Variants in CFAP46 observed in about 807,000 individuals in gnomAD.
The protein encoded by CFAP46 is cilia- and flagella-associated protein 46.
A neutral mutation model predicts 325.7 loss-of-function variants in CFAP46; 245 were observed. The observed-to-expected ratio is 0.75, with a 90% CI of 0.68 to 0.84. CFAP46 has a LOEUF of 0.84. CFAP46 is among the 40% of genes least tolerant of loss of function. CFAP46 has a pLI of 0.00. For missense variants in CFAP46, 3,346 were observed against 3,543.0 expected, an observed-to-expected ratio of 0.94 and a Z score of 1.41; for synonymous variants, 1,523 against 1,495.9, an observed-to-expected ratio of 1.02 and a Z score of -0.42.
At chr10:132,926,458 G>T in intron 10 of CFAP46, 110 bp downstream of exon 10, 1 of 786,152 alleles carries the variant, frequency 1.3e-6, no homozygotes, top group Non-Finnish European at 2.1e-6. Flanking sequence ...TAGCAGTGGG[G>T]TCCAGGCCAT....
Position 132,812,916 on chromosome 10 carries a change from G to A in CFAP46, c.7389-19C>T, listed in dbSNP as rs376054450. The A allele has an allele frequency of 3.3e-4, 520 of 1,590,112 alleles. 3 individuals are homozygous for A. The highest frequency in any genetic ancestry group is 7.7e-4 in the Admixed American group (46 of 59,760). On this transcript the variant is annotated intron_variant, in intron 54 of 57. Coordinates refer to ENST00000368586, the MANE Select transcript of CFAP46 (RefSeq NM_001200049.3). ...GGCCTGGCTGCAGAGAGAGGAGAGC[G>A]CTGGTCAACAGTGCCCATGCACCTG...
In CFAP46 at chr10:132,899,009, CA is replaced by C. The variant is rs1849356336; in HGVS notation, c.3168del (p.Ala1057ProfsTer2). The C allele has an allele frequency of 1.9e-6, 3 of 1,550,616 alleles. No homozygotes were observed. Among genetic ancestry groups the C allele is most frequent in the Non-Finnish European group, 2.6e-6 (3 of 1,146,994 alleles). On this transcript the variant is annotated frameshift_variant, in exon 24 of 58. Transcript: ENST00000368586. LOFTEE classifies it high-confidence loss of function. ...SSAVYRKKAK[G>X]ALKRLIGIIN... Reference sequence around the variant, plus strand: ...ATGATGCCGATGAGCCTCTTCAGGGCACCCTTGGCCTTCTTCCTGTAGACGG... The same window carrying C: ...ATGATGCCGATGAGCCTCTTCAGGGCCCCTTGGCCTTCTTCCTGTAGACGG...
intron 15 of CFAP46, 57 bp from the exon 16 acceptor site, chr10:132,918,577 C>T (rs1231240644): frequency 6.8e-6 from 10 of 1,476,600 alleles, no homozygotes; most frequent in African/African-American, 2.8e-5. Flanking sequence ...TAAATAAAAA[C>T]ACAAGAATTC....
chr10:132,870,308 G>A (rs148972652), intron 32 of CFAP46, among the ~76,000 whole-genome samples: 252 of 152,230 alleles, frequency 1.7e-3, no homozygotes, highest in African/African-American at 5.1e-3. Context: ...AATTAGGCCA[G>A]TTAATAACCC....
Position 132,832,385 on chromosome 10 carries a change from C to T in CFAP46, c.7117+973G>A. 7.2e-6 allele frequency among the ~76,000 whole-genome samples: 1 copy of T among 138,850 alleles called. No individual in the cohort carries two copies. The highest frequency in any genetic ancestry group is 2.9e-5 in the African/African-American group (1 of 34,116). The allele number at this position is 138,850 out of a possible 152,430, so 91.1% of individuals were successfully genotyped here. On this transcript the variant is annotated intron_variant, in intron 50 of 57. Transcript: ENST00000368586. The surrounding 1 kb of genome is among the most constrained non-coding windows in gnomAD (Gnocchi z 4.1). The stretch of plus-strand genomic sequence containing the variant: ...AACTTGCGGAGACCCCTGGGCTCTT[C>T]CTGCCCCCCCCCCCCAATGCTGTGG...
At position 132,835,322 on chromosome 10, in the gene CFAP46, C is replaced by G. The variant is rs780264128; in HGVS notation, c.6726G>C (p.Met2242Ile). The G allele has an allele frequency of 6.2e-7, 1 of 1,613,408 alleles. No individual in the cohort carries two copies. The highest frequency in any genetic ancestry group is 1.1e-5 in the South Asian group (1 of 91,084). ...GCCTCACCGAGCCTATGTTCAGGGC[C>G]ATGTCCTCACTGTACACCTGGGCCT... The part of the protein sequence containing the change: ...QTQAQVYSED[M>I]ALNIGSEPEG... The change falls in exon 47 of 58, where the codon ATG (methionine) becomes ATC (isoleucine). Residue 2242 changes from methionine (M) to isoleucine (I), a missense_variant. Transcript: ENST00000368586.
At chr10:132,904,200 T>C (rs985773039) in intron 22 of CFAP46, among the ~76,000 whole-genome samples, 5 of 152,264 alleles carry the variant, frequency 3.3e-5, no homozygotes, top group African/African-American at 1.2e-4. Flanking sequence ...GTCTGCTGGA[T>C]GTGGGCATGG....
At chr10:132,873,738 G>A (rs960264305) in intron 31 of CFAP46, among the ~76,000 whole-genome samples, 3 of 152,160 alleles carry the variant, frequency 2.0e-5, no homozygotes, top group Admixed American at 2.0e-4. Flanking sequence ...GAAAGCACAG[G>A]GTCCTTTGAG....
chr10:132,891,101 G>A (rs955847286), intron 25 of CFAP46, among the ~76,000 whole-genome samples: 7 of 152,206 alleles, frequency 4.6e-5, no homozygotes, highest in Admixed American at 2.6e-4. Context: ...TTTTGTGGAA[G>A]TAGAAAAATG....
chr10:132,941,024 C>T lies in CFAP46; in HGVS notation c.343G>A (p.Ala115Thr). The T allele has an allele frequency of 6.2e-7, 1 of 1,614,192 alleles. No individual in the cohort carries two copies. Among genetic ancestry groups the T allele is most frequent in the Middle Eastern group, 1.6e-4 (1 of 6,062 alleles). ...FENCVTEYMK[A>T]INFAKGEPRY... ...GGTTCTCCTTTGGCAAAGTTTATGGCCTTCATGTACTCAGTCACGCAATTT... is the reference window on the plus strand; with the variant it reads ...GGTTCTCCTTTGGCAAAGTTTATGGTCTTCATGTACTCAGTCACGCAATTT... The change falls in exon 4 of 58, where the codon GCC becomes ACC. Residue 115 changes from alanine to threonine, a missense_variant. Transcript: ENST00000368586.
At position 132,853,151 on chromosome 10, in the gene CFAP46, T is replaced by C. The variant is rs141408460; in HGVS notation, c.5575-1846A>G. On this transcript the variant is annotated intron_variant, in intron 39 of 57. Coordinates refer to ENST00000368586, the MANE Select transcript of CFAP46 (RefSeq NM_001200049.3). ...CGTCCTTATCGAAAGGGGGCATCAG[T>C]CTTTCTCCCACAATTGTGACGTTAG... 5.6e-4 allele frequency among the ~76,000 whole-genome samples: 85 copies of C among 152,260 alleles called. No individual in the cohort carries two copies. In the East Asian group the frequency reaches 0.013, roughly 23 times the overall value.
In CFAP46 at chr10:132,808,534, A is replaced by G. The variant is rs762673062; in HGVS notation, c.8035T>C (p.Trp2679Arg). The G allele has an allele frequency of 1.9e-6, 3 of 1,612,916 alleles. No homozygotes were observed. The highest frequency in any genetic ancestry group is 2.5e-6 in the Non-Finnish European group (3 of 1,179,990). Residue 2679 changes from tryptophan to arginine, a missense_variant, in exon 58 of 58, where the codon TGG (tryptophan) becomes CGG (arginine). By Grantham distance (101) the Trp-to-Arg change is moderately radical. Coordinates refer to ENST00000368586, the MANE Select transcript of CFAP46 (RefSeq NM_001200049.3). This position sits in a 1 kb window ranked among gnomAD's most constrained non-coding sequence, Gnocchi z 6.8. The stretch of plus-strand genomic sequence containing the variant: ...TGGCCCCGGGAAGAGACGCAGCTCC[A>G]GCCCCGACGCAGACCCCATGGCGCA... Reference protein sequence around the residue: ...LCAPWGLRRGWSCVSSRGQDK... With the variant: ...LCAPWGLRRGRSCVSSRGQDK...
In CFAP46 at chr10:132,867,470, T is replaced by C. The variant is rs1848832906; in HGVS notation, c.4648A>G (p.Lys1550Glu). 1 of 1,550,456 alleles carries C rather than the reference T, an allele frequency of 6.4e-7. No homozygotes were observed. The highest frequency in any genetic ancestry group is 8.7e-7 in the Non-Finnish European group (1 of 1,146,984). The change falls in exon 34 of 58, where the codon AAG becomes GAG. Residue 1550 changes from lysine (K) to glutamate (E), a missense_variant. Transcript: ENST00000368586. ...KEIALKKEKN[K>E]EPLLEESLPA... Reference sequence around the variant, plus strand: ...AGGCTTTCTTCTAATAAAGGCTCCTTATTTTTCTCTTTTTTCAACGCGATC... The same window carrying C: ...AGGCTTTCTTCTAATAAAGGCTCCTCATTTTTCTCTTTTTTCAACGCGATC...
At position 132,941,036 on chromosome 10, in the gene CFAP46, C is replaced by CA; in HGVS notation, c.330dup (p.Glu111Ter). ...GCAAAGTTTATGGCCTTCATGTACT[C>CA]AGTCACGCAATTTTCAAATTCCTCC... On this transcript the variant is annotated frameshift_variant, in exon 4 of 58. Transcript: ENST00000368586. LOFTEE classifies it high-confidence loss of function. 2.5e-6 allele frequency: 4 copies of CA among 1,614,184 alleles called. No individual in the cohort carries two copies. The highest frequency in any genetic ancestry group is 2.5e-6 in the Non-Finnish European group (3 of 1,180,036).
intron 50 of CFAP46, among the ~76,000 whole-genome samples, chr10:132,820,555 T>C (rs1252105548): frequency 7.0e-6 from 1 of 142,062 alleles, no homozygotes; most frequent in Non-Finnish European, 1.5e-5. Context: ...GTGCTGTGTG[T>C]GCTGATGTGT....
intron 22 of CFAP46, among the ~76,000 whole-genome samples, chr10:132,900,099 C>G (rs1239030176): frequency 6.6e-6 from 1 of 152,228 alleles, no homozygotes; most frequent in African/African-American, 2.4e-5. Context: ...TGTGTCCAGT[C>G]AGCCCCCAGA....
In CFAP46 at chr10:132,919,364, G is replaced by A; in HGVS notation, c.1809C>T (p.Phe603=). The A allele has an allele frequency of 6.5e-7, 1 of 1,550,200 alleles. No homozygotes were observed. ...VWDVCRTASR[F]CLLYDNVKVK... ...CCTTGACGTTGTCATACAGGAGGCA[G>A]AAGCGGCTCGCCGTCCGACAGACGT... Residue 603 remains phenylalanine (F), a synonymous_variant, in exon 15 of 58, where the codon TTC becomes TTT. Transcript: ENST00000368586. The surrounding 1 kb of genome is among the most constrained non-coding windows in gnomAD (Gnocchi z 9.7).
chr10:132,835,554 G>A lies in CFAP46; in HGVS notation c.6614-120C>T, dbSNP rs887105223. ...CACAGGAAAGGCTGCATGGATGGAA[G>A]TCCCTTCCTTCATGTGGGGTCCCCC... On this transcript the variant is annotated intron_variant, in intron 46 of 57. Coordinates refer to ENST00000368586, the MANE Select transcript of CFAP46 (RefSeq NM_001200049.3). 2.3e-6 allele frequency: 3 copies of A among 1,300,482 alleles called. No individual in the cohort carries two copies. In the Admixed American group the frequency reaches 6.2e-5, roughly 27 times the overall value. The allele number at this position is 1,300,482 out of a possible 1,614,324, so 80.6% of individuals were successfully genotyped here.
At chr10:132,917,917 A>AC (rs146712156) in intron 16 of CFAP46, among the ~76,000 whole-genome samples, 3 of 134,548 alleles carry the variant, frequency 2.2e-5, no homozygotes, top group African/African-American at 9.6e-5. Context: ...GCACCGATGA[A>AC]CCCCCCTCTC....
Sources: allele counts gnomAD v4.1 joint callset (sites outside exome capture counted in the v4.1 genomes callset), GRCh38; gene constraint gnomAD v4.1.1; non-coding constraint Gnocchi (gnomAD v3.1); transcripts MANE v1.5; gene names NCBI Gene and HGNC (gene_info 2026-07-23, HGNC 2026-07-21).